Variants in ELAVL4 observed in about 807,000 individuals in gnomAD.
ELAVL4 encodes ELAV-like protein 4.
In ELAVL4, 1 loss-of-function variant was observed where a neutral mutation model predicts 35.6. The observed-to-expected ratio is 0.03, with a 90% CI of 0.01 to 0.13. The LOEUF (loss-of-function observed/expected upper bound fraction) is 0.13, where lower values mean the gene tolerates loss of function less well. Among genes scored for constraint, ELAVL4 ranks in the 10% least tolerant of loss-of-function variants. ELAVL4 has a pLI of 1.00. For synonymous variants in ELAVL4, 156 were observed against 171.0 expected (o/e 0.91, Z 0.69); for missense variants, 267 against 464.9 (o/e 0.57, Z 3.91).
chr1:50,189,524 G>A (rs1682347021), intron 3 of ELAVL4, among the ~76,000 whole-genome samples: 1 of 152,202 alleles, frequency 6.6e-6, no homozygotes, highest in African/African-American at 2.4e-5. Flanking sequence ...TCAGTAAAGT[G>A]GTAAAAGATG....
intron 1 of ELAVL4, among the ~76,000 whole-genome samples, chr1:50,061,525 G>A (rs1027786766): frequency 1.3e-5 from 2 of 152,186 alleles, no homozygotes; most frequent in African/African-American, 4.8e-5. Context: ...TGTTTAACAT[G>A]TTTAATCCAT....
intron 1 of ELAVL4, among the ~76,000 whole-genome samples, chr1:50,078,712 A>G (rs1026523889): frequency 2.0e-5 from 3 of 152,164 alleles, no homozygotes; most frequent in Admixed American, 6.5e-5. Flanking sequence ...GCAGAGGTAG[A>G]GCAAGTGAAA....
rs528231752 is a variant in ELAVL4, at chr1:50,122,551, C to G, written c.9+13353C>G. Among the ~76,000 whole-genome samples the G allele has an allele frequency of 3.3e-5, 5 of 152,212 alleles. No homozygotes were observed. The South Asian group carries it at 1.0e-3, about 32-fold the overall frequency. ...CTAGTGGCATGGGTATTCTTACCTG[C>G]AATGTGGGCAGATCCATCTGTCCCA... On this transcript the variant is annotated intron_variant, in intron 1 of 6. Transcript: ENST00000371824.
chr1:50,056,974 A>C (rs1215256688), intron 1 of ELAVL4, among the ~76,000 whole-genome samples: 1 of 151,770 alleles, frequency 6.6e-6, no homozygotes, highest in East Asian at 1.9e-4. Context: ...AAAATAGTTT[A>C]TTGTAAAACA....
chr1:50,052,078 A>G (rs1481411331), intron 1 of ELAVL4, among the ~76,000 whole-genome samples: 4 of 152,204 alleles, frequency 2.6e-5, no homozygotes, highest in African/African-American at 9.6e-5. Context: ...CTATATGAAA[A>G]TACAGTCACA....
In ELAVL4 at chr1:50,109,018, C is replaced by CGGGGGGG; in HGVS notation, c.-172_-171insGGGGGGG. On this transcript the variant is annotated 5_prime_UTR_variant, in exon 1 of 7. Coordinates refer to ENST00000371824, the MANE Select transcript of ELAVL4 (RefSeq NM_001144774.3). Reference sequence around the variant, plus strand: ...CCTTTTCTTTTTTTTCTTTCTCTCCCCCGCCCACCCCCCCAAAAATAATTG... The same window carrying CGGGGGGG: ...CCTTTTCTTTTTTTTCTTTCTCTCCCGGGGGGGCCGCCCACCCCCCCAAAAATAATTG... 6 of 519,090 alleles carry CGGGGGGG rather than the reference C, an allele frequency of 1.2e-5. No individual in the cohort carries two copies. Among genetic ancestry groups the CGGGGGGG allele is most frequent in the Non-Finnish European group, 1.4e-5 (6 of 416,500 alleles). The allele number at this position is 519,090 out of a possible 1,614,324, so 32.2% of individuals were successfully genotyped here.
chr1:50,185,138 T>G (rs1572583064), intron 3 of ELAVL4, among the ~76,000 whole-genome samples: 1 of 152,250 alleles, frequency 6.6e-6, no homozygotes, highest in East Asian at 1.9e-4. Context: ...CCCTGCGGAT[T>G]AAAGACTCAT....
chr1:50,166,283 A>G (rs1288854310), intron 2 of ELAVL4, among the ~76,000 whole-genome samples: 1 of 152,174 alleles, frequency 6.6e-6, no homozygotes, highest in Non-Finnish European at 1.5e-5. Context: ...GGTAGTAATA[A>G]GCTCATGATT....
At chr1:50,060,306 C>T (rs1663893428) in intron 1 of ELAVL4, among the ~76,000 whole-genome samples, 1 of 152,136 alleles carries the variant, frequency 6.6e-6, no homozygotes, top group Non-Finnish European at 1.5e-5. Context: ...CATTTAGGCA[C>T]CTGCCGTCTG....
chr1:50,050,066 C>T (rs978199404), intron 1 of ELAVL4, among the ~76,000 whole-genome samples: 5 of 152,138 alleles, frequency 3.3e-5, no homozygotes, highest in East Asian at 3.8e-4. Flanking sequence ...TTCTTGGTTC[C>T]GGTCTGACCT....
chr1:50,108,340 G>A (rs1666531766), upstream of ELAVL4, among the ~76,000 whole-genome samples: 1 of 152,050 alleles, frequency 6.6e-6, no homozygotes, highest in Admixed American at 6.6e-5. Context: ...TTGAAATGTT[G>A]GCCATGTTAG....
At chr1:50,051,383 C>T (rs1016904838) in intron 1 of ELAVL4, among the ~76,000 whole-genome samples, 6 of 151,932 alleles carry the variant, frequency 3.9e-5, no homozygotes, top group Admixed American at 2.6e-4. Context: ...ATGTAAGGGG[C>T]GAATGAATTA....
rs866564531 is a variant in ELAVL4 at position 50,059,625 on chromosome 1, G to A, written c.18+11443G>A. Among the ~76,000 whole-genome samples the A allele has an allele frequency of 2.6e-5, 4 of 151,868 alleles. No individual in the cohort carries two copies. In the South Asian group the frequency reaches 8.3e-4, roughly 31 times the overall value. On this transcript the variant is annotated intron_variant, in intron 1 of 6. Transcript: ENST00000448907. ...CAGTCCTTGGCATATATACCCAAAG[G>A]AATAGAAAACAAGTATTCAAGTACA...
Position 50,201,267 on chromosome 1 carries a change from G to T in ELAVL4, c.*89G>T. Reference sequence around the variant, plus strand: ...CACACACACATACACGAAAGAGAGAGAAACAAACTTTTCAAGGCTTATATT... The same window carrying T: ...CACACACACATACACGAAAGAGAGATAAACAAACTTTTCAAGGCTTATATT... On this transcript the variant is annotated 3_prime_UTR_variant, in exon 7 of 7. Transcript: ENST00000371824. This position sits in a 1 kb window ranked among gnomAD's most constrained non-coding sequence, Gnocchi z 4.3. 7.2e-7 allele frequency: 1 copy of T among 1,382,268 alleles called. No homozygotes were observed. The highest frequency in any genetic ancestry group is 1.7e-5 in the South Asian group (1 of 58,054). The allele number at this position is 1,382,268 out of a possible 1,614,324, so 85.6% of individuals were successfully genotyped here.
At chr1:50,055,921 A>G (rs190485530) in intron 1 of ELAVL4, among the ~76,000 whole-genome samples, 92 of 152,262 alleles carry the variant, frequency 6.0e-4, no homozygotes, top group Middle Eastern at 3.4e-3. Context: ...CTGCCTAAAT[A>G]GGAAGTCTAC....
chr1:50,172,022 G>A (rs1300760628), intron 2 of ELAVL4, among the ~76,000 whole-genome samples: 1 of 152,166 alleles, frequency 6.6e-6, no homozygotes, highest in Non-Finnish European at 1.5e-5. Context: ...TACCCATCTG[G>A]CTGCCTCCTC....
At chr1:50,195,465 A>ACTC in intron 4 of ELAVL4, 96 bp from the exon 5 acceptor site, 1 of 1,374,194 alleles carries the variant, frequency 7.3e-7, no homozygotes, top group Non-Finnish European at 1.0e-6. Flanking sequence ...AGGTGGGCTT[A>ACTC]CTCCTCACAC....
intron 2 of ELAVL4, among the ~76,000 whole-genome samples, chr1:50,164,606 G>C (rs1464537786): frequency 1.3e-5 from 2 of 152,116 alleles, no homozygotes; most frequent in Admixed American, 6.6e-5. Context: ...GACCAGTCTG[G>C]GCAACACAGC....
At chr1:50,076,136 G>T (rs79098387) in intron 1 of ELAVL4, among the ~76,000 whole-genome samples, 1 of 152,082 alleles carries the variant, frequency 6.6e-6, no homozygotes, top group East Asian at 1.9e-4. Context: ...GCCAACTTAT[G>T]GTATTTTCAA....
Sources: allele counts gnomAD v4.1 joint callset (sites outside exome capture counted in the v4.1 genomes callset), GRCh38; gene constraint gnomAD v4.1.1; non-coding constraint Gnocchi (gnomAD v3.1); transcripts MANE v1.5; gene names NCBI Gene and HGNC (gene_info 2026-07-23, HGNC 2026-07-21).